Variants in LNX1 observed in about 807,000 individuals in gnomAD.
LNX1 encodes ligand of numb-protein X 1.
LNX1 carries 54 observed loss-of-function variants against 68.4 expected under a neutral mutation model. That is an observed-to-expected ratio of 0.79 (90% CI 0.63 to 0.99). The LOEUF (loss-of-function observed/expected upper bound fraction) is 0.99. LNX1 is among the 50% of genes least tolerant of loss of function. LNX1 has a pLI of 0.00. For synonymous variants in LNX1, 336 were observed against 350.0 expected (o/e 0.96, Z 0.45); for missense variants, 906 against 926.4 (o/e 0.98, Z 0.29).
At chr4:53,581,152 C>A (rs193128556) in intron 1 of LNX1, among the ~76,000 whole-genome samples, 3 of 152,234 alleles carry the variant, frequency 2.0e-5, no homozygotes, top group African/African-American at 7.2e-5. Context: ...GTATACTGGT[C>A]ACCCGGGACC....
At chr4:53,528,680 AGGG>A (rs33929475) in intron 2 of LNX1, among the ~76,000 whole-genome samples, 1 of 151,424 alleles carries the variant, frequency 6.6e-6, no homozygotes, top group Admixed American at 6.6e-5. Context: ...CCTGTGGATA[AGGG>A]GGGGACTACT....
chr4:53,486,952 A>G (rs1298716410), intron 6 of LNX1, among the ~76,000 whole-genome samples: 4 of 151,964 alleles, frequency 2.6e-5, no homozygotes, highest in African/African-American at 7.3e-5. Flanking sequence ...CCATCTTTAA[A>G]TAACAAAGCC....
chr4:53,590,641 A>G (rs1241498811), intron 1 of LNX1, among the ~76,000 whole-genome samples: 3 of 152,226 alleles, frequency 2.0e-5, no homozygotes, highest in Non-Finnish European at 4.4e-5. Context: ...AGAGACAGAA[A>G]AAGCCAAAGA....
intron 6 of LNX1, among the ~76,000 whole-genome samples, chr4:53,490,771 G>A (rs1227442553): frequency 6.6e-6 from 1 of 152,068 alleles, no homozygotes; most frequent in African/African-American, 2.4e-5. Context: ...ACATTTGAAG[G>A]GTATTTAGTT....
intron 2 of LNX1, among the ~76,000 whole-genome samples, chr4:53,555,702 C>A (rs1729865372): frequency 6.6e-6 from 1 of 152,152 alleles, no homozygotes; most frequent in South Asian, 2.1e-4. Context: ...GCACAGAATT[C>A]TCTCACAAAG....
intron 2 of LNX1, chr4:53,602,962 C>T (rs1331586362): frequency 6.6e-6 from 1 of 152,198 alleles, no homozygotes; most frequent in African/African-American, 2.4e-5. Context: ...CTAGAAAAGG[C>T]AAGGACAAAA....
intron 2 of LNX1, among the ~76,000 whole-genome samples, chr4:53,598,196 G>T (rs1294619288): frequency 6.6e-6 from 1 of 151,624 alleles, no homozygotes; most frequent in Non-Finnish European, 1.5e-5. Context: ...TTCTGCACTC[G>T]TGACATACTC....
chr4:53,528,722 C>T (rs1345331591), intron 2 of LNX1, among the ~76,000 whole-genome samples: 1 of 152,046 alleles, frequency 6.6e-6, no homozygotes, highest in Admixed American at 6.6e-5. Flanking sequence ...CTAGTGAGAA[C>T]AGATAATTGA....
chr4:53,461,376 C>T (rs1579334704), intron 10 of LNX1, 59 bp downstream of exon 10: 1 of 1,376,566 alleles, frequency 7.3e-7, no homozygotes, highest in Admixed American at 1.8e-5. Flanking sequence ...TGGGGCCAAG[C>T]TTTGGCATTT....
chr4:53,558,516 A>G (rs1201102476), intron 2 of LNX1, among the ~76,000 whole-genome samples: 1 of 152,226 alleles, frequency 6.6e-6, no homozygotes, highest in African/African-American at 2.4e-5. Flanking sequence ...TGAAATATGA[A>G]CCAACCCCAC....
chr4:53,529,480 T>A (rs1727868948), intron 2 of LNX1, among the ~76,000 whole-genome samples: 1 of 152,194 alleles, frequency 6.6e-6, no homozygotes, highest in Admixed American at 6.5e-5. Context: ...CACATAAGAC[T>A]GCGATGCCTT....
intron 2 of LNX1, among the ~76,000 whole-genome samples, chr4:53,601,525 G>C (rs868768950): frequency 3.3e-5 from 5 of 152,198 alleles, no homozygotes; most frequent in Non-Finnish European, 7.3e-5. Flanking sequence ...CACTGTTCGC[G>C]TTCTGGCCAC....
At chr4:53,618,441 T>C (rs905697868), upstream of LNX1, among the ~76,000 whole-genome samples, 6 of 152,354 alleles carry the variant, frequency 3.9e-5, no homozygotes, top group African/African-American at 1.4e-4. Flanking sequence ...GCTCTGTTTT[T>C]GCAGGTGGCT....
At chr4:53,474,044 T>C (rs1723405850) in intron 9 of LNX1, among the ~76,000 whole-genome samples, 1 of 152,178 alleles carries the variant, frequency 6.6e-6, no homozygotes, top group African/African-American at 2.4e-5. Context: ...TACTTAGCAG[T>C]GATGCAATGC....
chr4:53,635,315 C>G (rs760931183), intron 1 of LNX1, among the ~76,000 whole-genome samples: 1 of 152,166 alleles, frequency 6.6e-6, no homozygotes, highest in East Asian at 1.9e-4. Flanking sequence ...TCCCCCCTTC[C>G]GGATGTGCCT....
chr4:53,588,863 C>A (rs1358862909), intron 1 of LNX1, among the ~76,000 whole-genome samples: 1 of 152,136 alleles, frequency 6.6e-6, no homozygotes, highest in African/African-American at 2.4e-5. Context: ...GTGACCAGGG[C>A]CCTGGGCACA....
In LNX1 at chr4:53,561,547, A is replaced by G. The variant is rs140473497; in HGVS notation, c.380+12076T>C. On this transcript the variant is annotated intron_variant, in intron 2 of 10. Transcript: ENST00000263925. ...GGCCCTCCGTGTATTTTTTCTTTCA[A>G]TAAAGTCTTCCCCACTTTGTAGACA... is the stretch of plus-strand genomic sequence containing the variant. 6.4e-3 allele frequency among the ~76,000 whole-genome samples: 968 copies of G among 152,196 alleles called. 8 individuals are homozygous for G. The highest frequency in any genetic ancestry group is 0.022 in the African/African-American group (915 of 41,528).
chr4:53,595,431 A>G (rs903890456), upstream of LNX1, among the ~76,000 whole-genome samples: 2 of 152,246 alleles, frequency 1.3e-5, no homozygotes, highest in African/African-American at 4.8e-5. Context: ...CTTAAGAAAA[A>G]GAAACTCAGT....
intron 9 of LNX1, among the ~76,000 whole-genome samples, chr4:53,468,217 C>G (rs1205621741): frequency 2.6e-5 from 4 of 152,104 alleles, no homozygotes; most frequent in South Asian, 2.1e-4. Context: ...AATTTTCAAC[C>G]CAGAATTTCA....
Sources: allele counts gnomAD v4.1 joint callset (sites outside exome capture counted in the v4.1 genomes callset), GRCh38; gene constraint gnomAD v4.1.1; transcripts MANE v1.5; gene names NCBI Gene and HGNC (gene_info 2026-07-23, HGNC 2026-07-21).